MKLN1: variants seen among roughly 807,000 people sequenced by gnomAD.
MKLN1 encodes muskelin.
MKLN1 carries 18 observed loss-of-function variants against 99.0 expected under a neutral mutation model. The observed-to-expected ratio is 0.18, with a 90% CI of 0.13 to 0.27. The LOEUF (loss-of-function observed/expected upper bound fraction) is 0.27. Among genes scored for constraint, MKLN1 ranks in the 10% least tolerant of loss-of-function variants. The pLI is 1.00. For missense variants in MKLN1, 621 were observed against 875.9 expected (o/e 0.71, Z 3.67); for synonymous variants, 288 against 293.2 (o/e 0.98, Z 0.18).
chr7:131,336,613 G>T (rs940001306), intron 1 of MKLN1, among the ~76,000 whole-genome samples: 4 of 151,902 alleles, frequency 2.6e-5, no homozygotes, highest in Admixed American at 2.0e-4. Context: ...TCTTTTGGTG[G>T]TTACGCTAGA....
intron 3 of MKLN1, among the ~76,000 whole-genome samples, chr7:131,268,466 G>A (rs1487368663): frequency 6.6e-6 from 1 of 152,182 alleles, no homozygotes; most frequent in Admixed American, 6.5e-5. Flanking sequence ...GGTCCAATAC[G>A]GATTGGTAGA....
At position 131,263,368 on chromosome 7, in the gene MKLN1, T is replaced by TAATAATAATAATAATAATAATAATAAA. The variant is rs373239401; in HGVS notation, c.-179+60399_-179+60400insTAATAATAATAATAATAATAAAAATAA. On this transcript the variant is annotated intron_variant, in intron 3 of 7. Coordinates refer to the MKLN1 transcript ENST00000416992. ...TTATTAATAATAATAATAATAATAA[T>TAATAATAATAATAATAATAATAATAAA]AATAAAATTAGCTGGGTGTGGTGGC... Among the ~76,000 whole-genome samples, 31 of 140,408 alleles carry TAATAATAATAATAATAATAATAATAAA rather than the reference T, an allele frequency of 2.2e-4. No homozygotes were observed. In the East Asian group the frequency reaches 3.0e-3, roughly 14 times the overall value. The allele number at this position is 140,408 out of a possible 152,430, so 92.1% of individuals were successfully genotyped here.
At chr7:131,440,354 A>G (rs934026208) in intron 10 of MKLN1, among the ~76,000 whole-genome samples, 13 of 152,192 alleles carry the variant, frequency 8.5e-5, no homozygotes, top group Admixed American at 5.2e-4. Flanking sequence ...CGGAAGTGCC[A>G]TATTTTGAAG....
intron 3 of MKLN1, among the ~76,000 whole-genome samples, chr7:131,236,200 A>G (rs770435498): frequency 3.3e-5 from 5 of 152,202 alleles, no homozygotes; most frequent in Non-Finnish European, 7.3e-5. Context: ...TAGAGATATG[A>G]TTTGATTTCT....
intron 6 of MKLN1, among the ~76,000 whole-genome samples, chr7:131,407,641 CTT>C (rs1284261875): frequency 6.7e-6 from 1 of 149,456 alleles, no homozygotes; most frequent in Non-Finnish European, 1.5e-5. Flanking sequence ...AAAAATCTCA[CTT>C]TTTTCCCCTT....
chr7:131,328,767 T>G (rs1027962729), intron 1 of MKLN1, among the ~76,000 whole-genome samples: 4 of 152,230 alleles, frequency 2.6e-5, no homozygotes, highest in Admixed American at 1.3e-4. Flanking sequence ...AACACCGGCT[T>G]TGTCTTGATC....
rs559094199 is a variant in MKLN1 at position 131,495,047 on chromosome 7, G to A, written c.*7319G>A. ...GAAGAGTACAGGAAAGCGAAGATGAGGACCTCCTTTTCTTGTGTTGGTCTT... is the reference window on the plus strand; with the variant it reads ...GAAGAGTACAGGAAAGCGAAGATGAAGACCTCCTTTTCTTGTGTTGGTCTT... On this transcript the variant is annotated 3_prime_UTR_variant, in exon 18 of 18. Transcript: ENST00000352689. The A allele has an allele frequency of 7.2e-5, 11 of 152,296 alleles. No individual in the cohort carries two copies. Among genetic ancestry groups the A allele is most frequent in the African/African-American group, 2.6e-4 (11 of 41,556 alleles). The allele number at this position is 152,296 out of a possible 1,614,324, so 9.4% of individuals were successfully genotyped here.
At chr7:131,316,758 C>T (rs989529869) in intron 3 of MKLN1, among the ~76,000 whole-genome samples, 3 of 152,128 alleles carry the variant, frequency 2.0e-5, no homozygotes, top group Admixed American at 6.5e-5. Context: ...TAGAGAGGAA[C>T]ATAAATGACC....
rs73726316 is a variant in MKLN1, at chr7:131,242,733, C to T, written c.-179+39759C>T. ...CCATGCTCTGGTGGCTGGAATTGAC[C>T]GCTGTCCCCACAAAGTGACAGCTGC... On this transcript the variant is annotated intron_variant, in intron 3 of 7. Coordinates refer to the MKLN1 transcript ENST00000416992. 4,242 of 690,570 alleles carry T rather than the reference C, an allele frequency of 6.1e-3. 160 individuals are homozygous for T. In the African/African-American group the frequency reaches 0.066, roughly 11 times the overall value. 42.8% of individuals were successfully genotyped at this position (690,570 alleles called of 1,614,324 possible). A position where few individuals can be genotyped will look rare whatever the true frequency, so the allele number is the denominator to read the frequency against.
chr7:131,485,204 C>G (rs1440504150), intron 17 of MKLN1, among the ~76,000 whole-genome samples: 1 of 152,038 alleles, frequency 6.6e-6, no homozygotes, highest in Non-Finnish European at 1.5e-5. Context: ...CAAAAAGGCT[C>G]TCACTGGTCA....
At chr7:131,408,942 G>T (rs1794790720) in intron 6 of MKLN1, among the ~76,000 whole-genome samples, 2 of 152,138 alleles carry the variant, frequency 1.3e-5, no homozygotes, top group Non-Finnish European at 2.9e-5. Context: ...TTCTTAGTGT[G>T]CTTTCTCCTA....
At chr7:131,464,176 T>C in intron 13 of MKLN1, 118 bp from the exon 14 acceptor site, 2 of 537,526 alleles carry the variant, frequency 3.7e-6, no homozygotes, top group Non-Finnish European at 6.8e-6. Context: ...TAAGATACGA[T>C]GTGAACGCAT....
At chr7:131,457,916 A>C (rs76689908) in intron 12 of MKLN1, among the ~76,000 whole-genome samples, 1 of 150,226 alleles carries the variant, frequency 6.7e-6, no homozygotes, top group Admixed American at 6.6e-5. Flanking sequence ...ACTCCATCTC[A>C]AAAAAAAAAT....
At chr7:131,382,183 G>T (rs778128891) in intron 2 of MKLN1, among the ~76,000 whole-genome samples, 3 of 152,032 alleles carry the variant, frequency 2.0e-5, no homozygotes, top group Non-Finnish European at 4.4e-5. Flanking sequence ...TGGCCAACAT[G>T]GCGAAACCCC....
chr7:131,218,294 G>A (rs1797013598), intron 3 of MKLN1, among the ~76,000 whole-genome samples: 1 of 152,206 alleles, frequency 6.6e-6, no homozygotes, highest in Non-Finnish European at 1.5e-5. Flanking sequence ...GTAGTAAGTA[G>A]TTTTTAAAGG....
intron 3 of MKLN1, among the ~76,000 whole-genome samples, chr7:131,251,729 G>T (rs1198650551): frequency 1.3e-5 from 2 of 151,566 alleles, no homozygotes; most frequent in Admixed American, 1.3e-4. Flanking sequence ...GAGTGCAATG[G>T]TGTGAACAAG....
chr7:131,354,776 T>G (rs1372200394), intron 1 of MKLN1, among the ~76,000 whole-genome samples: 1 of 152,194 alleles, frequency 6.6e-6, no homozygotes, highest in Non-Finnish European at 1.5e-5. Flanking sequence ...TGGTGGATGA[T>G]GTGAGGCACA....
At chr7:131,262,613 C>T (rs754365627) in intron 3 of MKLN1, among the ~76,000 whole-genome samples, 4 of 151,482 alleles carry the variant, frequency 2.6e-5, no homozygotes, top group African/African-American at 4.9e-5. Context: ...TGCAGTGGTG[C>T]GATCTCCGCT....
intron 8 of MKLN1, among the ~76,000 whole-genome samples, chr7:131,423,325 A>T (rs1172073793): frequency 1.3e-5 from 2 of 151,786 alleles, no homozygotes; most frequent in Non-Finnish European, 2.9e-5. Context: ...TTTTATTATT[A>T]TTTTTATTTA....
Sources: gnomAD v4.1 joint callset for allele counts (sites outside exome capture counted in the v4.1 genomes callset) on GRCh38, gnomAD v4.1.1 for gene constraint, MANE v1.5 for transcripts, NCBI Gene and HGNC (gene_info 2026-07-23, HGNC 2026-07-21) for gene names.